ARHGAP9: variants seen among roughly 807,000 people sequenced by gnomAD.
The protein encoded by ARHGAP9 is Rho GTPase activating protein 9, also known as rho GTPase-activating protein 9.
Under a neutral mutation model 87.3 loss-of-function variants are expected in ARHGAP9, and 76 were observed. That is an observed-to-expected ratio of 0.87 (90% CI 0.72 to 1.05). The LOEUF is 1.05. Ranked by LOEUF, ARHGAP9 falls within the 50% of genes least tolerant of loss-of-function variation. The pLI is 0.00. For missense variants in ARHGAP9, 941 were observed against 960.5 expected, an observed-to-expected ratio of 0.98 and a Z score of 0.27; for synonymous variants, 382 against 394.9, an observed-to-expected ratio of 0.97 and a Z score of 0.39.
At chr12:57,482,182 A>G (rs1388102075), upstream of ARHGAP9, among the ~76,000 whole-genome samples, 1 of 152,052 alleles carries the variant, frequency 6.6e-6, no homozygotes, top group African/African-American at 2.4e-5. Flanking sequence ...GCCAAGGCAG[A>G]ATATCACTTG....
At chr12:57,475,039 G>A (rs913668662) in intron 12 of ARHGAP9, 66 bp from the exon 13 acceptor site, 3 of 1,520,950 alleles carry the variant, frequency 2.0e-6, no homozygotes, top group Admixed American at 1.7e-5. Flanking sequence ...TCTCAGCATA[G>A]GTCTTTATCC....
intron 2 of ARHGAP9, 123 bp downstream of exon 2, chr12:57,478,968 C>T (rs1374418676): frequency 2.4e-5 from 32 of 1,327,008 alleles, no homozygotes; most frequent in Non-Finnish European, 2.6e-5. Flanking sequence ...CAAAGAAAAA[C>T]AAGAGAAGAT....
intron 2 of ARHGAP9, 39 bp from the exon 3 acceptor site, chr12:57,478,796 A>C: frequency 6.4e-7 from 1 of 1,561,770 alleles, no homozygotes. Flanking sequence ...GCAGGTGATC[A>C]GAGGTGTTGT....
At chr12:57,488,073 C>CG in intron 1 of ARHGAP9, 1 of 1,609,280 alleles carries the variant, frequency 6.2e-7, no homozygotes, top group Non-Finnish European at 8.5e-7. Context: ...GTTGCATCAG[C>CG]GAGGGATTCA....
chr12:57,479,315 T>G lies in ARHGAP9; in HGVS notation c.92A>C (p.Tyr31Ser). 1 of 1,614,144 alleles carries G rather than the reference T, an allele frequency of 6.2e-7. No homozygotes were observed. ...PPRGSQLCAL[Y>S]AFTYTGADGQ... is the part of the protein sequence containing the mutation. ...ATCTGCCCCAGTATAAGTAAAGGCATAGAGGGCACAGAGCTGGGATCCCCG... is the reference window on the plus strand; with the variant it reads ...ATCTGCCCCAGTATAAGTAAAGGCAGAGAGGGCACAGAGCTGGGATCCCCG... Residue 31 changes from tyrosine (Y) to serine (S), a missense_variant, in exon 2 of 18, where the codon TAT (tyrosine) becomes TCT (serine). Coordinates refer to ENST00000393791, the MANE Select transcript of ARHGAP9 (RefSeq NM_032496.4).
Position 57,479,213 on chromosome 12 carries a change from C to T in ARHGAP9, c.194G>A (p.Arg65Lys). ...RKTNSDWWLA[R>K]RLEAPSTSRP... ...AGAGGTGGAGGGAGCTTCTAGGCGT[C>T]TTGCCAACCACCAGTCGGAGTTGGT... The change falls in exon 2 of 18, where the codon AGA (arginine) becomes AAA (lysine). Residue 65 changes from arginine to lysine, a missense_variant. Physicochemically the swap from Arg to Lys is conservative, Grantham distance 26. Coordinates refer to ENST00000393791, the MANE Select transcript of ARHGAP9 (RefSeq NM_032496.4). The T allele has an allele frequency of 1.2e-6, 2 of 1,614,208 alleles. No homozygotes were observed. The highest frequency in any genetic ancestry group is 2.2e-5 in the East Asian group (1 of 44,888).
intron 1 of ARHGAP9, among the ~76,000 whole-genome samples, chr12:57,486,213 G>C (rs1875380141): frequency 6.6e-6 from 1 of 151,948 alleles, no homozygotes; most frequent in Non-Finnish European, 1.5e-5. Context: ...CTCAATAACA[G>C]GTATGTGCTT....
chr12:57,473,282 G>A (rs1289108278), intron 17 of ARHGAP9, among the ~76,000 whole-genome samples: 4 of 152,024 alleles, frequency 2.6e-5, no homozygotes, highest in Admixed American at 6.6e-5. Context: ...GCGTGGTGGC[G>A]GGCACCTGTA....
rs1477898531 is a variant in ARHGAP9 at position 57,472,526 on chromosome 12, G to A, written c.2187C>T (p.Leu729=). 6.8e-6 allele frequency: 11 copies of A among 1,614,170 alleles called. No homozygotes were observed. The East Asian group carries it at 2.2e-4, about 33-fold the overall frequency. ...VQLMLTNFTS[L]FP is the part of the protein sequence containing the mutation. ...TTCTTCCTTCCCTGCATCAGGGGAA[G>A]AGGCTGGTGAAGTTGGTGAGCATCA... The change falls in exon 18 of 18, where the codon CTC becomes CTT. Residue 729 remains leucine (L), a synonymous_variant. Transcript: ENST00000393791.
chr12:57,487,850 CAAAAA>C (rs10715375), intron 1 of ARHGAP9: 2,892 of 178,942 alleles, frequency 0.016, 2 homozygotes, highest in Middle Eastern at 0.03. Context: ...CGCCCTCTCA[CAAAAA>C]AAAAAAAAAA....
intron 1 of ARHGAP9, among the ~76,000 whole-genome samples, chr12:57,485,824 C>CAAGGGTTACT (rs1446293346): frequency 6.6e-6 from 1 of 152,084 alleles, no homozygotes; most frequent in Admixed American, 6.6e-5. Context: ...GAGACCCTAC[C>CAAGGGTTACT]AAGGGTTACT....
chr12:57,483,192 G>A (rs1157977049), upstream of ARHGAP9, among the ~76,000 whole-genome samples: 1 of 152,156 alleles, frequency 6.6e-6, no homozygotes, highest in Non-Finnish European at 1.5e-5. Context: ...ACTATCATCT[G>A]TTGTAGCACA....
chr12:57,486,536 C>A (rs953004695), intron 1 of ARHGAP9, among the ~76,000 whole-genome samples: 8 of 145,086 alleles, frequency 5.5e-5, no homozygotes, highest in African/African-American at 2.0e-4. Flanking sequence ...TCCCAACGTG[C>A]TGGGGTTACA....
At chr12:57,478,189 G>A (rs921114497) in intron 3 of ARHGAP9, 2 of 314,984 alleles carry the variant, frequency 6.3e-6, no homozygotes, top group Non-Finnish European at 6.0e-6. Flanking sequence ...TCTGGAGGAA[G>A]GAAGAGCACA....
intron 8 of ARHGAP9, 59 bp downstream of exon 8, chr12:57,476,305 A>T: frequency 6.3e-7 from 1 of 1,584,974 alleles, no homozygotes; most frequent in Non-Finnish European, 8.6e-7. Context: ...CCGCCCCCAC[A>T]TTGGCGTGAG....
intron 15 of ARHGAP9, 119 bp downstream of exon 15, chr12:57,474,304 A>G (rs1240337264): frequency 6.4e-7 from 1 of 1,570,364 alleles, no homozygotes. Flanking sequence ...GCAGTGGGGC[A>G]AGGTAGCTAA....
intron 16 of ARHGAP9, 122 bp from the exon 17 acceptor site, chr12:57,473,830 T>C (rs1339832063): frequency 8.2e-7 from 1 of 1,212,186 alleles, no homozygotes; most frequent in Non-Finnish European, 1.2e-6. Flanking sequence ...ACAGCTTTCT[T>C]TTTCACATAG....
intron 1 of ARHGAP9, chr12:57,487,933 T>G (rs1875558416): frequency 1.5e-6 from 1 of 672,850 alleles, no homozygotes; most frequent in African/African-American, 1.8e-5. Context: ...TTCCTGTGTC[T>G]TAGCGTTGCA....
At chr12:57,488,023 C>T in intron 1 of ARHGAP9, 1 of 1,384,832 alleles carries the variant, frequency 7.2e-7, no homozygotes, top group East Asian at 2.3e-5. Context: ...CGGCGTGCCT[C>T]GCGGAGGCCG....
Sources: allele counts gnomAD v4.1 joint callset (sites outside exome capture counted in the v4.1 genomes callset), GRCh38; gene constraint gnomAD v4.1.1; transcripts MANE v1.5; gene names NCBI Gene and HGNC (gene_info 2026-07-23, HGNC 2026-07-21).